CD2AP: variants seen among roughly 807,000 people sequenced by gnomAD.
CD2AP encodes CD2-associated protein.
In CD2AP, 46 loss-of-function variants were observed where a neutral mutation model predicts 85.1. The observed-to-expected ratio is 0.54, with a 90% CI of 0.43 to 0.69. The LOEUF (loss-of-function observed/expected upper bound fraction) is 0.69. Among genes scored for constraint, CD2AP ranks in the 30% least tolerant of loss-of-function variants. CD2AP has a pLI of 0.00. For missense variants in CD2AP, 769 were observed against 729.5 expected (o/e 1.05, Z -0.62); for synonymous variants, 255 against 252.9 (o/e 1.01, Z -0.08).
chr6:47,478,281 C>G (rs1045399531), intron 1 of CD2AP, 33 bp downstream of exon 1: 1 of 1,566,576 alleles, frequency 6.4e-7, no homozygotes, highest in African/African-American at 1.4e-5. Context: ...GCCGCCCGTC[C>G]GGACCTTCCA....
intron 11 of CD2AP, among the ~76,000 whole-genome samples, chr6:47,592,780 G>A (rs548932806): frequency 6.1e-4 from 93 of 152,174 alleles, no homozygotes; most frequent in African/African-American, 2.1e-3. Flanking sequence ...GAGAAGTTAC[G>A]GAAACTCTGC....
At chr6:47,537,987 G>C (rs1232508996) in intron 3 of CD2AP, among the ~76,000 whole-genome samples, 1 of 151,854 alleles carries the variant, frequency 6.6e-6, no homozygotes, top group Non-Finnish European at 1.5e-5. Flanking sequence ...CTGGCCTCAA[G>C]TGATCTGCCC....
chr6:47,610,999 T>C (rs1769424485), intron 16 of CD2AP, among the ~76,000 whole-genome samples: 1 of 145,142 alleles, frequency 6.9e-6, no homozygotes, highest in Non-Finnish European at 1.5e-5. Flanking sequence ...ATATAAAACA[T>C]TTTGGAAGTC....
At chr6:47,553,834 A>G (rs1767599581) in intron 4 of CD2AP, among the ~76,000 whole-genome samples, 1 of 152,160 alleles carries the variant, frequency 6.6e-6, no homozygotes, top group Non-Finnish European at 1.5e-5. Context: ...GTTTGGAGGA[A>G]GGTGTTTAGT....
chr6:47,486,707 T>C (rs567146224), intron 1 of CD2AP, among the ~76,000 whole-genome samples: 1 of 152,340 alleles, frequency 6.6e-6, no homozygotes, highest in African/African-American at 2.4e-5. Flanking sequence ...CTTCTTACTG[T>C]CCTATCAGTG....
At chr6:47,611,651 G>T (rs78393357) in intron 16 of CD2AP, among the ~76,000 whole-genome samples, 30 of 151,660 alleles carry the variant, frequency 2.0e-4, no homozygotes, top group Admixed American at 1.4e-3. Flanking sequence ...GTATTCTCAA[G>T]AATTTTTCAA....
chr6:47,559,877 T>C (rs1767803685), intron 5 of CD2AP, among the ~76,000 whole-genome samples: 1 of 152,274 alleles, frequency 6.6e-6, no homozygotes, highest in South Asian at 2.1e-4. Context: ...AAAATCTAGA[T>C]ATAGAGCTAG....
chr6:47,523,282 T>C (rs751640123), intron 2 of CD2AP, among the ~76,000 whole-genome samples: 1 of 152,114 alleles, frequency 6.6e-6, no homozygotes, highest in Non-Finnish European at 1.5e-5. Context: ...ATTGGAATAT[T>C]AAATGGAAGA....
chr6:47,582,225 C>A, intron 11 of CD2AP, 160 bp downstream of exon 11: 1 of 603,668 alleles, frequency 1.7e-6, no homozygotes, highest in Non-Finnish European at 3.0e-6. Flanking sequence ...TAGTTCATTT[C>A]TCAAACAGAT....
intron 2 of CD2AP, among the ~76,000 whole-genome samples, chr6:47,512,438 C>G (rs1420898523): frequency 6.6e-6 from 1 of 152,150 alleles, no homozygotes; most frequent in Non-Finnish European, 1.5e-5. Flanking sequence ...AACTCACGTC[C>G]CTGTTACTAA....
chr6:47,623,251 A>G (rs1038451449), intron 17 of CD2AP, among the ~76,000 whole-genome samples: 1 of 152,252 alleles, frequency 6.6e-6, no homozygotes, highest in African/African-American at 2.4e-5. Flanking sequence ...ATCGTTTAAT[A>G]ATGTGCTGTT....
chr6:47,513,080 T>C lies in CD2AP; in HGVS notation c.165+9640T>C, dbSNP rs530020939. On this transcript the variant is annotated intron_variant, in intron 2 of 17. Coordinates refer to ENST00000359314, the MANE Select transcript of CD2AP (RefSeq NM_012120.3). ...TAGGTAAGAAGAGCTGTAATAAAGA[T>C]TGTAGGATTATGACTTCAGCAAGAA... Among the ~76,000 whole-genome samples, 240 of 152,262 alleles carry C rather than the reference T, an allele frequency of 1.6e-3. 1 individual carries two copies. Among genetic ancestry groups the C allele is most frequent in the South Asian group, 2.9e-3 (14 of 4,826 alleles).
intron 2 of CD2AP, among the ~76,000 whole-genome samples, chr6:47,526,838 G>A (rs1043916352): frequency 6.6e-6 from 1 of 152,134 alleles, no homozygotes; most frequent in Admixed American, 6.6e-5. Context: ...AGGCAGACAG[G>A]AGAATCCAAA....
chr6:47,584,619 G>A (rs1429180858), intron 11 of CD2AP, among the ~76,000 whole-genome samples: 3 of 152,020 alleles, frequency 2.0e-5, no homozygotes, highest in African/African-American at 7.2e-5. Flanking sequence ...CCCTAAATAT[G>A]TCATGTACTT....
At chr6:47,573,160 C>G (rs1343390783) in intron 5 of CD2AP, among the ~76,000 whole-genome samples, 1 of 151,968 alleles carries the variant, frequency 6.6e-6, no homozygotes, top group East Asian at 1.9e-4. Context: ...AAATAAGAAC[C>G]CTTGTTACTG....
chr6:47,489,304 A>AT (rs1338252848), intron 1 of CD2AP: 2 of 151,168 alleles, frequency 1.3e-5, no homozygotes, highest in Non-Finnish European at 2.9e-5. Context: ...AGTAGCTGGG[A>AT]TTACAGGCAC....
chr6:47,612,521 GAGAAGTA>G lies in CD2AP; in HGVS notation c.1865_1871del (p.Arg622IlefsTer2), dbSNP rs1353123867. The stretch of plus-strand genomic sequence containing the variant: ...AAGATTTGGAAGAAGAGAAGACAAT[GAGAAGTA>G]ATCTAGAGGTAATTAATTTCTTCCA... On this transcript the variant is annotated frameshift_variant, in exon 17 of 18. Coordinates refer to ENST00000359314, the MANE Select transcript of CD2AP (RefSeq NM_012120.3). LOFTEE classifies it high-confidence loss of function. 6.2e-7 allele frequency: 1 copy of G among 1,607,420 alleles called. No homozygotes were observed. The highest frequency in any genetic ancestry group is 8.5e-7 in the Non-Finnish European group (1 of 1,174,436).
chr6:47,588,253 T>C (rs976535976), intron 11 of CD2AP, among the ~76,000 whole-genome samples: 4 of 152,148 alleles, frequency 2.6e-5, no homozygotes, highest in African/African-American at 7.2e-5. Context: ...CTGTTACATA[T>C]TAGTTTAGAT....
chr6:47,576,812 C>G (rs1213695949), intron 7 of CD2AP, among the ~76,000 whole-genome samples, 197 bp from the exon 8 acceptor site: 1 of 152,028 alleles, frequency 6.6e-6, no homozygotes, highest in Non-Finnish European at 1.5e-5. Context: ...ACATCACAAA[C>G]AGTAAATATT....
Sources: gnomAD v4.1 joint callset for allele counts (sites outside exome capture counted in the v4.1 genomes callset) on GRCh38, gnomAD v4.1.1 for gene constraint, MANE v1.5 for transcripts, NCBI Gene and HGNC (gene_info 2026-07-23, HGNC 2026-07-21) for gene names.